Variants in ZPBP observed in about 807,000 individuals in gnomAD.
The protein encoded by ZPBP is zona pellucida-binding protein 1.
In ZPBP, 26 loss-of-function variants were observed where a neutral mutation model predicts 44.8. That is an observed-to-expected ratio of 0.58 (90% CI 0.43 to 0.81). The LOEUF is 0.81. Ranked by LOEUF, ZPBP falls within the 30% of genes least tolerant of loss-of-function variation. The pLI is 0.00. For synonymous variants in ZPBP, 174 were observed against 153.2 expected (o/e 1.14, Z -1.00); for missense variants, 409 against 434.0 (o/e 0.94, Z 0.51).
At chr7:50,041,829 T>C (rs1800110538) in intron 4 of ZPBP, among the ~76,000 whole-genome samples, 1 of 152,164 alleles carries the variant, frequency 6.6e-6, no homozygotes, top group Non-Finnish European at 1.5e-5. Context: ...ATGAGTTTGA[T>C]AAACTGACAG....
intron 6 of ZPBP, among the ~76,000 whole-genome samples, chr7:49,986,334 C>G (rs984064691): frequency 2.0e-5 from 3 of 152,208 alleles, no homozygotes; most frequent in Admixed American, 6.5e-5. Flanking sequence ...AATGGCACCA[C>G]CCCACCACAA....
intron 2 of ZPBP, among the ~76,000 whole-genome samples, chr7:49,881,225 A>G (rs1727458392): frequency 6.6e-6 from 1 of 152,134 alleles, no homozygotes; most frequent in East Asian, 1.9e-4. Context: ...AGTCCTGTTC[A>G]GGTTGCCTCA....
At chr7:49,953,822 T>C (rs962222354) in intron 7 of ZPBP, among the ~76,000 whole-genome samples, 6 of 152,134 alleles carry the variant, frequency 3.9e-5, no homozygotes, top group Non-Finnish European at 1.5e-5. Context: ...AAAGATGACC[T>C]AAATAGACAT....
At chr7:49,944,217 GC>G (rs1464217710) in intron 7 of ZPBP, 3 of 355,430 alleles carry the variant, frequency 8.4e-6, no homozygotes, top group South Asian at 2.8e-5. Context: ...ATATTTGGCT[GC>G]ACTTTTGCCA....
chr7:49,896,063 C>T (rs1181523881), intron 2 of ZPBP, among the ~76,000 whole-genome samples: 5 of 152,036 alleles, frequency 3.3e-5, no homozygotes, highest in Non-Finnish European at 5.9e-5. Context: ...AGTACAGGTC[C>T]GGTGTGGTGG....
chr7:50,085,633 G>T (rs549634609), intron 2 of ZPBP, among the ~76,000 whole-genome samples: 48 of 152,158 alleles, frequency 3.2e-4, no homozygotes, highest in Middle Eastern at 6.8e-3. Context: ...AAGGCTGCCC[G>T]TACTTGACCT....
chr7:49,846,463 C>T (rs147473613), downstream of ZPBP, among the ~76,000 whole-genome samples: 134 of 152,326 alleles, frequency 8.8e-4, no homozygotes, highest in Middle Eastern at 6.8e-3. Context: ...CTCACTTCCA[C>T]GTCTTTGCAT....
At chr7:50,073,431 TA>T (rs1033334733) in intron 3 of ZPBP, among the ~76,000 whole-genome samples, 1 of 152,026 alleles carries the variant, frequency 6.6e-6, no homozygotes, top group Non-Finnish European at 1.5e-5. Context: ...ACAGCAAATC[TA>T]ACAGTTAATT....
At chr7:49,992,707 CCGCTGAACAGA>C (rs1413412361) in intron 6 of ZPBP, among the ~76,000 whole-genome samples, 17 of 152,150 alleles carry the variant, frequency 1.1e-4, no homozygotes, top group African/African-American at 3.9e-4. Context: ...TGCAAGTGTA[CCGCTGAACAGA>C]AAAGCAAATG....
intron 3 of ZPBP, among the ~76,000 whole-genome samples, chr7:50,070,735 G>A (rs1274943839): frequency 6.6e-6 from 1 of 152,160 alleles, no homozygotes; most frequent in Admixed American, 6.5e-5. Context: ...TGTGGGGTGG[G>A]GGAGATCTGT....
intron 2 of ZPBP, among the ~76,000 whole-genome samples, chr7:49,877,491 T>TATATATATATAG (rs1791482404): frequency 2.8e-5 from 1 of 35,656 alleles, no homozygotes; most frequent in Non-Finnish European, 5.2e-5. Context: ...AATATATATA[T>TATATATATATAG]ATATATATAT....
chr7:50,035,207 A>C, intron 4 of ZPBP, among the ~76,000 whole-genome samples: 1 of 152,192 alleles, frequency 6.6e-6, no homozygotes, highest in Non-Finnish European at 1.5e-5. Flanking sequence ...CAAGGCCCCT[A>C]AGCCACCAAT....
intron 3 of ZPBP, among the ~76,000 whole-genome samples, chr7:50,064,697 T>A (rs1367351085): frequency 6.6e-6 from 1 of 152,228 alleles, no homozygotes; most frequent in Non-Finnish European, 1.5e-5. Context: ...GGTCAGAGTT[T>A]AAGGTTATCT....
downstream of ZPBP, among the ~76,000 whole-genome samples, chr7:49,850,030 G>A (rs1368125785): frequency 6.6e-6 from 1 of 152,052 alleles, no homozygotes; most frequent in Non-Finnish European, 1.5e-5. Flanking sequence ...CAGGAAGACT[G>A]AGCACAGTAT....
chr7:49,906,621 C>A (rs1298738754), intron 1 of ZPBP, among the ~76,000 whole-genome samples: 1 of 152,158 alleles, frequency 6.6e-6, no homozygotes, highest in African/African-American at 2.4e-5. Context: ...CAGGCGTGAG[C>A]CACCGCACCC....
At chr7:49,854,135 T>G (rs1403579335) in intron 2 of ZPBP, among the ~76,000 whole-genome samples, 3 of 152,186 alleles carry the variant, frequency 2.0e-5, no homozygotes, top group Non-Finnish European at 1.5e-5. Context: ...TTGGGTTGGT[T>G]CCAAGTCTTT....
chr7:49,877,194 G>T (rs1414704347), intron 2 of ZPBP, among the ~76,000 whole-genome samples: 2 of 151,858 alleles, frequency 1.3e-5, no homozygotes, highest in Non-Finnish European at 2.9e-5. Flanking sequence ...GGGCGTAATG[G>T]CTCATGCCTG....
At chr7:49,881,287 C>G (rs1278547088) in intron 2 of ZPBP, among the ~76,000 whole-genome samples, 1 of 152,156 alleles carries the variant, frequency 6.6e-6, no homozygotes, top group Non-Finnish European at 1.5e-5. Context: ...CCAGCTAAAT[C>G]TTTAGAGTGC....
chr7:50,045,511 C>CA (rs1584110406), intron 4 of ZPBP, among the ~76,000 whole-genome samples: 1 of 152,194 alleles, frequency 6.6e-6, no homozygotes, highest in Middle Eastern at 3.4e-3. Flanking sequence ...CAATAATAGA[C>CA]AAACAGCCAA....
Sources: allele counts gnomAD v4.1 joint callset (sites outside exome capture counted in the v4.1 genomes callset), GRCh38; gene constraint gnomAD v4.1.1; transcripts MANE v1.5; gene names NCBI Gene and HGNC (gene_info 2026-07-23, HGNC 2026-07-21).